The following NAAA variants were observed in gnomAD, a reference collection of about 807,000 sequenced individuals.
The protein encoded by NAAA is N-acylethanolamine-hydrolyzing acid amidase.
NAAA carries 39 observed loss-of-function variants against 44.8 expected under a neutral mutation model. That is an observed-to-expected ratio of 0.87 (90% CI 0.67 to 1.14). NAAA has a LOEUF of 1.14. NAAA is among the 50% of genes most tolerant of loss of function. The pLI is 0.00. For synonymous variants in NAAA, 178 were observed against 191.3 expected (o/e 0.93, Z 0.58); for missense variants, 460 against 467.8 (o/e 0.98, Z 0.15).
At chr4:75,919,046 T>C (rs1395345731) in intron 8 of NAAA, among the ~76,000 whole-genome samples, 1 of 73,296 alleles carries the variant, frequency 1.4e-5, no homozygotes, top group Non-Finnish European at 2.5e-5. Flanking sequence ...CTTGAGGTGA[T>C]ATAGACTTTT....
At chr4:75,925,956 T>C (rs887417851) in intron 4 of NAAA, 145 bp from the exon 5 acceptor site, 2 of 733,800 alleles carry the variant, frequency 2.7e-6, no homozygotes, top group South Asian at 3.6e-5. Context: ...ACAATGATAG[T>C]TATGTCAAAG....
At chr4:75,918,828 G>T in intron 8 of NAAA, 39 bp from the exon 9 acceptor site, 1 of 1,576,894 alleles carries the variant, frequency 6.3e-7, no homozygotes, top group Non-Finnish European at 8.7e-7. Flanking sequence ...AAGATTACAT[G>T]GTAGAAGAAA....
At chr4:75,918,656 G>T in intron 9 of NAAA, 105 bp downstream of exon 9, 1 of 1,210,102 alleles carries the variant, frequency 8.3e-7, no homozygotes, top group Non-Finnish European at 1.2e-6. Context: ...TGCCCCCACA[G>T]CCTGGTTACA....
downstream of NAAA, chr4:75,911,477 A>G (rs1428356778): frequency 2.2e-6 from 1 of 449,366 alleles, no homozygotes; most frequent in Non-Finnish European, 4.5e-6. Flanking sequence ...CTCAGAGGCT[A>G]GGGTTTTAAT....
intron 3 of NAAA, among the ~76,000 whole-genome samples, chr4:75,934,001 G>T (rs1387971217): frequency 6.6e-5 from 10 of 151,534 alleles, no homozygotes; most frequent in Non-Finnish European, 1.3e-4. Flanking sequence ...CTGCACTCCA[G>T]CCTGGGTGAT....
chr4:75,927,524 A>C (rs1726814320), intron 4 of NAAA, among the ~76,000 whole-genome samples: 1 of 151,778 alleles, frequency 6.6e-6, no homozygotes, highest in South Asian at 2.1e-4. Context: ...CACTTTGGGA[A>C]GAAGCCGAGG....
intron 5 of NAAA, among the ~76,000 whole-genome samples, chr4:75,922,976 G>A (rs1037634010): frequency 6.6e-6 from 1 of 151,780 alleles, no homozygotes; most frequent in African/African-American, 2.4e-5. Context: ...ATCTATCTCA[G>A]GAAATGGAGG....
intron 9 of NAAA, among the ~76,000 whole-genome samples, chr4:75,915,441 T>C (rs575102176): frequency 6.6e-6 from 1 of 152,200 alleles, no homozygotes; most frequent in African/African-American, 2.4e-5. Flanking sequence ...CCTGGCTCTG[T>C]CCTACCCACA....
Position 75,919,859 on chromosome 4 carries a change from A to C in NAAA, c.969+50T>G, listed in dbSNP as rs781492389. 5.3e-6 allele frequency: 8 copies of C among 1,520,548 alleles called. No individual in the cohort carries two copies. The East Asian group carries it at 1.8e-4, about 34-fold the overall frequency. 94.2% of individuals were successfully genotyped at this position (1,520,548 alleles called of 1,614,324 possible). A position where few individuals can be genotyped will look rare whatever the true frequency, so the allele number is the denominator to read the frequency against. The stretch of plus-strand genomic sequence containing the variant: ...CACGGAGTTTTTCATATTCACTATT[A>C]ACAAAACACCAAACATCCTAGGTAT... On this transcript the variant is annotated intron_variant, in intron 8 of 10. Coordinates refer to ENST00000286733, the MANE Select transcript of NAAA (RefSeq NM_014435.4).
rs138858207 is a variant in NAAA, at chr4:75,914,313, A to G, written c.*62T>C. On this transcript the variant is annotated 3_prime_UTR_variant, in exon 11 of 11. Coordinates refer to ENST00000286733, the MANE Select transcript of NAAA (RefSeq NM_014435.4). The stretch of plus-strand genomic sequence containing the variant: ...CTTATTTTTTAAGGTGCAGCTCTTC[A>G]AGAATTTCATTTTTTAAAAAATCAT... 3.4e-3 allele frequency: 3,307 copies of G among 984,402 alleles called. 16 individuals carry two copies. The highest frequency in any genetic ancestry group is 0.029 in the South Asian group (619 of 21,240). The allele number at this position is 984,402 out of a possible 1,614,324, so 61.0% of individuals were successfully genotyped here.
chr4:75,931,323 A>G lies in NAAA; in HGVS notation c.499-19T>C. 1 of 1,570,318 alleles carries G rather than the reference A, an allele frequency of 6.4e-7. No homozygotes were observed. The highest frequency in any genetic ancestry group is 8.8e-7 in the Non-Finnish European group (1 of 1,141,366). On this transcript the variant is annotated intron_variant, in intron 3 of 10. Coordinates refer to ENST00000286733, the MANE Select transcript of NAAA (RefSeq NM_014435.4). ...ATGCAATCTGAAATCAAGAGATAAC[A>G]TGGATCATTTCACCATTCCAATCAA...
At chr4:75,931,155 G>T in intron 4 of NAAA, 59 bp downstream of exon 4, 1 of 1,373,660 alleles carries the variant, frequency 7.3e-7, no homozygotes, top group Non-Finnish European at 1.0e-6. Context: ...TGAAGGAAGT[G>T]CTTGGATAGA....
At chr4:75,933,810 G>A (rs2149279337) in intron 3 of NAAA, among the ~76,000 whole-genome samples, 1 of 151,852 alleles carries the variant, frequency 6.6e-6, no homozygotes, top group Middle Eastern at 3.4e-3. Context: ...CGAGGCGGGT[G>A]GATTATCTGA....
chr4:75,927,078 C>T (rs9996608), intron 4 of NAAA, among the ~76,000 whole-genome samples: 44,929 of 151,996 alleles, frequency 0.3, 6,831 homozygotes, highest in East Asian at 0.43. Context: ...CCAGTAAGCA[C>T]ATGAAAAGAT....
At chr4:75,925,975 T>A (rs1324067448) in intron 4 of NAAA, among the ~76,000 whole-genome samples, 164 bp from the exon 5 acceptor site, 1 of 152,196 alleles carries the variant, frequency 6.6e-6, no homozygotes, top group African/African-American at 2.4e-5. Flanking sequence ...AGGAAATAAT[T>A]CTATTAATTA....
intron 4 of NAAA, among the ~76,000 whole-genome samples, chr4:75,927,634 C>CG (rs1560510511): frequency 5.0e-4 from 1 of 1,986 alleles, no homozygotes; most frequent in East Asian, 0.028. Context: ...ATTTTTAATG[C>CG]CCCCCCCCCC....
chr4:75,923,088 T>C (rs1443940735), intron 5 of NAAA, among the ~76,000 whole-genome samples: 1 of 152,060 alleles, frequency 6.6e-6, no homozygotes, highest in East Asian at 1.9e-4. Context: ...TTTATTTACT[T>C]CTTTCCAGAC....
intron 3 of NAAA, 112 bp from the exon 4 acceptor site, chr4:75,931,416 T>C: frequency 1.3e-6 from 1 of 741,266 alleles, no homozygotes. Flanking sequence ...TCCAACACAA[T>C]AGAATAAAAC....
rs371250034 is a variant in NAAA at position 75,938,131 on chromosome 4, C to T, written c.371+1870G>A. ...AAAACAGATGATACCATCTTCCCCA[C>T]GGGACTGTGTTCATGAAGTGCCTGG... On this transcript the variant is annotated intron_variant, in intron 2 of 10. Coordinates refer to ENST00000286733, the MANE Select transcript of NAAA (RefSeq NM_014435.4). 1.4e-4 allele frequency among the ~76,000 whole-genome samples: 22 copies of T among 152,292 alleles called. No individual in the cohort carries two copies. In the East Asian group the frequency reaches 3.9e-3, roughly 27 times the overall value.
Sources: allele counts gnomAD v4.1 joint callset (sites outside exome capture counted in the v4.1 genomes callset), GRCh38; gene constraint gnomAD v4.1.1; transcripts MANE v1.5; gene names NCBI Gene and HGNC (gene_info 2026-07-23, HGNC 2026-07-21).